Variants in SPTBN1 observed in about 807,000 individuals in gnomAD.
SPTBN1 encodes the protein spectrin beta chain, non-erythrocytic 1.
In SPTBN1, 32 loss-of-function variants were observed where a neutral mutation model predicts 266.4. The observed-to-expected ratio is 0.12, with a 90% confidence interval of 0.09 to 0.16. The LOEUF is 0.16. SPTBN1 is among the 10% of genes least tolerant of loss of function. The probability of loss-of-function intolerance (pLI) is 1.00; values close to 1 mark genes in which losing one functional copy is unlikely to be tolerated. For missense variants in SPTBN1, 2,296 were observed against 3,067.1 expected, an observed-to-expected ratio of 0.75 and a Z score of 5.94; for synonymous variants, 1,336 against 1,162.2, an observed-to-expected ratio of 1.15 and a Z score of -3.04.
intron 3 of SPTBN1, among the ~76,000 whole-genome samples, chr2:54,608,668 C>A (rs1677010456): frequency 6.6e-6 from 1 of 151,798 alleles, no homozygotes; most frequent in Admixed American, 6.6e-5. Context: ...ATAATAGAAA[C>A]CCATTTTGTG....
intron 3 of SPTBN1, among the ~76,000 whole-genome samples, chr2:54,602,721 G>T (rs774359714): frequency 6.6e-6 from 1 of 152,210 alleles, no homozygotes; most frequent in Non-Finnish European, 1.5e-5. Flanking sequence ...AAAAGAGTGT[G>T]TGTGTGCGTG....
intron 2 of SPTBN1, among the ~76,000 whole-genome samples, chr2:54,559,982 A>G (rs1419215731): frequency 6.6e-6 from 1 of 152,086 alleles, no homozygotes; most frequent in Non-Finnish European, 1.5e-5. Flanking sequence ...TCTCTGGAAA[A>G]CGAGGCAGAA....
chr2:54,624,774 TTG>T (rs747824330), intron 10 of SPTBN1, 28 bp from the exon 11 acceptor site: 10 of 1,611,690 alleles, frequency 6.2e-6, no homozygotes, highest in Admixed American at 1.7e-5. Flanking sequence ...GAAACTGTGT[TTG>T]TGTGTGTGTG....
intron 15 of SPTBN1, 91 bp from the exon 16 acceptor site, chr2:54,630,764 A>T (rs1195942449): frequency 1.4e-6 from 2 of 1,408,808 alleles, no homozygotes; most frequent in Non-Finnish European, 1.9e-6. Flanking sequence ...GAAAACAGAT[A>T]AGCAGCATTA....
At chr2:54,484,728 G>C (rs1392568019) in intron 1 of SPTBN1, among the ~76,000 whole-genome samples, 1 of 149,492 alleles carries the variant, frequency 6.7e-6, no homozygotes, top group African/African-American at 2.5e-5. Context: ...TAGTTCGTTG[G>C]TTTTCCCTTC....
chr2:54,613,446 C>A (rs80311930), intron 4 of SPTBN1, among the ~76,000 whole-genome samples: 3,995 of 152,294 alleles, frequency 0.026, 176 homozygotes, highest in African/African-American at 0.088. Flanking sequence ...ACTTGCCCTA[C>A]GATTGGGCTT....
At chr2:54,569,068 AGTTT>A (rs1217498026) in intron 2 of SPTBN1, among the ~76,000 whole-genome samples, 2 of 152,174 alleles carry the variant, frequency 1.3e-5, no homozygotes, top group Non-Finnish European at 2.9e-5. Flanking sequence ...ATTTCCTCTG[AGTTT>A]GTAGGTGAAA....
At position 54,645,212 on chromosome 2, in the gene SPTBN1, T is replaced by G; in HGVS notation, c.4270-17T>G. The G allele has an allele frequency of 6.2e-7, 1 of 1,613,504 alleles. No individual in the cohort carries two copies. The highest frequency in any genetic ancestry group is 8.5e-7 in the Non-Finnish European group (1 of 1,179,442). On this transcript the variant is annotated splice_polypyrimidine_tract_variant and intron_variant, in intron 20 of 35. Coordinates refer to ENST00000356805, the MANE Select transcript of SPTBN1 (RefSeq NM_003128.3). The surrounding 1 kb of genome is among the most constrained non-coding windows in gnomAD (Gnocchi z 4.3). ...GATAGTCTGTGCTGAGCGCTGAGGC[T>G]GCTTCTCTGCCCTCAGATGCTGGAG...
At chr2:54,607,498 C>A (rs998441516) in intron 3 of SPTBN1, among the ~76,000 whole-genome samples, 1 of 152,122 alleles carries the variant, frequency 6.6e-6, no homozygotes, top group African/African-American at 2.4e-5. Context: ...TGACTGGTGC[C>A]TATAACCCCG....
intron 1 of SPTBN1, among the ~76,000 whole-genome samples, chr2:54,474,079 G>A (rs1359155717): frequency 1.3e-5 from 2 of 152,198 alleles, no homozygotes; most frequent in African/African-American, 4.8e-5. Context: ...CCACATGGAA[G>A]TTCATACCAC....
intron 2 of SPTBN1, among the ~76,000 whole-genome samples, chr2:54,584,359 A>T (rs926581752): frequency 6.6e-6 from 1 of 152,182 alleles, no homozygotes; most frequent in African/African-American, 2.4e-5. Context: ...TGTAGTGCAC[A>T]TTCTGTACAT....
chr2:54,636,291 G>C lies in SPTBN1; in HGVS notation c.3768-1422G>C, dbSNP rs117370150. On this transcript the variant is annotated intron_variant, in intron 17 of 35. Transcript: ENST00000356805. The stretch of plus-strand genomic sequence containing the variant: ...TAAAAAAATTAAAAAGGCATTATTT[G>C]TGTCTAACATATGCCTAATGATATT... Among the ~76,000 whole-genome samples the C allele has an allele frequency of 4.5e-3, 688 of 152,166 alleles. 5 individuals are homozygous for C. The highest frequency in any genetic ancestry group is 0.021 in the South Asian group (101 of 4,810).
chr2:54,460,967 A>G (rs1693335119), intron 1 of SPTBN1, among the ~76,000 whole-genome samples: 2 of 152,220 alleles, frequency 1.3e-5, no homozygotes, highest in African/African-American at 2.4e-5. Flanking sequence ...GCGCCACTGC[A>G]TTCCAACCTG....
rs1558775035 is a variant in SPTBN1, at chr2:54,492,338, G to GGTTTTTTTTTTTTT, written c.-47-34034_-47-34033insGTTTTTTTTTTTTT. Among the ~76,000 whole-genome samples the GGTTTTTTTTTTTTT allele has an allele frequency of 1.7e-5, 2 of 118,112 alleles. 1 individual carries two copies. 77.5% of individuals were successfully genotyped at this position (118,112 alleles called of 152,430 possible). A position where few individuals can be genotyped will look rare whatever the true frequency, so the allele number is the denominator to read the frequency against. On this transcript the variant is annotated intron_variant, in intron 1 of 35. Coordinates refer to ENST00000356805, the MANE Select transcript of SPTBN1 (RefSeq NM_003128.3). ...TTACTGGACATTTAGTTTGTCTGCAGTTGTTTTTTTGTTTTTTTTTTTTTT... is the reference window on the plus strand; with the variant it reads ...TTACTGGACATTTAGTTTGTCTGCAGGTTTTTTTTTTTTTTTGTTTTTTTGTTTTTTTTTTTTTT...
rs186541645 is a variant in SPTBN1, at chr2:54,612,418, C to T, written c.474+84C>T. On this transcript the variant is annotated intron_variant, in intron 4 of 35. Transcript: ENST00000356805. ...TGTTATAGAGCTGGCCTCCCTGTATCAGAGGGATCGGGAAGACCAGGTTGA... is the reference window on the plus strand; with the variant it reads ...TGTTATAGAGCTGGCCTCCCTGTATTAGAGGGATCGGGAAGACCAGGTTGA... 5.1e-4 allele frequency: 725 copies of T among 1,432,382 alleles called. 3 individuals carry two copies. In the African/African-American group the frequency reaches 9.2e-3, roughly 18 times the overall value. The allele number at this position is 1,432,382 out of a possible 1,614,324, so 88.7% of individuals were successfully genotyped here.
At chr2:54,485,202 C>G (rs1668296595) in intron 1 of SPTBN1, among the ~76,000 whole-genome samples, 1 of 152,122 alleles carries the variant, frequency 6.6e-6, no homozygotes, top group African/African-American at 2.4e-5. Context: ...CTCTCGGTCT[C>G]CCTCTCCCTC....
At chr2:54,655,404 A>G (rs1444408903) in intron 28 of SPTBN1, among the ~76,000 whole-genome samples, 196 bp downstream of exon 28, 1 of 152,202 alleles carries the variant, frequency 6.6e-6, no homozygotes, top group Non-Finnish European at 1.5e-5. Context: ...AATCTCTGGC[A>G]CAGAAGACAA....
intron 1 of SPTBN1, among the ~76,000 whole-genome samples, chr2:54,472,022 G>GTTTTTATTT (rs1693950161): frequency 1.5e-5 from 1 of 66,802 alleles, no homozygotes; most frequent in Non-Finnish European, 2.6e-5. Flanking sequence ...CCCTGAAGAT[G>GTTTTTATTT]TTTTTTTTTT....
intron 1 of SPTBN1, among the ~76,000 whole-genome samples, chr2:54,485,810 C>G (rs902169032): frequency 6.6e-6 from 1 of 150,730 alleles, no homozygotes; most frequent in Non-Finnish European, 1.5e-5. Context: ...GGCCGCCCGT[C>G]GTCTGAGATG....
Sources: allele counts gnomAD v4.1 joint callset (sites outside exome capture counted in the v4.1 genomes callset), GRCh38; gene constraint gnomAD v4.1.1; non-coding constraint Gnocchi (gnomAD v3.1); transcripts MANE v1.5; gene names NCBI Gene and HGNC (gene_info 2026-07-23, HGNC 2026-07-21).